Variants in ZNF804B observed in about 807,000 individuals in gnomAD.
ZNF804B encodes zinc finger 804B.
A neutral mutation model predicts 101.4 loss-of-function variants in ZNF804B; 80 were observed. The ratio of observed to expected loss-of-function variants is 0.79; its 90% CI spans 0.66 to 0.95. The LOEUF (loss-of-function observed/expected upper bound fraction) is 0.95. Ranked by LOEUF, ZNF804B falls within the 40% of genes least tolerant of loss-of-function variation. The probability of loss-of-function intolerance (pLI) is 0.00; values close to 1 mark genes in which losing one functional copy is unlikely to be tolerated. For synonymous variants in ZNF804B, 622 were observed against 558.8 expected (o/e 1.11, Z -1.59); for missense variants, 1,673 against 1,561.9 (o/e 1.07, Z -1.20).
chr7:89,325,156 G>T (rs1790879401), intron 2 of ZNF804B, among the ~76,000 whole-genome samples: 1 of 151,620 alleles, frequency 6.6e-6, no homozygotes, highest in Non-Finnish European at 1.5e-5. Flanking sequence ...GAGATGCATT[G>T]TTCAGTACAC....
intron 2 of ZNF804B, among the ~76,000 whole-genome samples, chr7:89,245,430 T>C (rs1214826804): frequency 6.6e-6 from 1 of 151,884 alleles, no homozygotes; most frequent in Non-Finnish European, 1.5e-5. Context: ...TAAGGGAAAA[T>C]AATAAAATGT....
chr7:89,135,687 T>C (rs1429377729), intron 1 of ZNF804B, among the ~76,000 whole-genome samples: 1 of 152,114 alleles, frequency 6.6e-6, no homozygotes, highest in Non-Finnish European at 1.5e-5. Context: ...CTTTTTATCA[T>C]CTAATTTTCA....
At chr7:89,200,212 T>C (rs1211868786) in intron 1 of ZNF804B, among the ~76,000 whole-genome samples, 1 of 151,900 alleles carries the variant, frequency 6.6e-6, no homozygotes, top group Non-Finnish European at 1.5e-5. Context: ...CCAAATGCTC[T>C]TTACTCTTAA....
At chr7:89,266,900 A>T (rs369036959) in intron 2 of ZNF804B, among the ~76,000 whole-genome samples, 2 of 81,922 alleles carry the variant, frequency 2.4e-5, no homozygotes, top group African/African-American at 6.6e-5. Flanking sequence ...TGTCTTTGGG[A>T]GTGTTGGCAA....
chr7:89,334,676 A>G lies in ZNF804B; in HGVS notation c.1694A>G (p.Glu565Gly). Residue 565 changes from glutamate to glycine, a missense_variant, in exon 4 of 4, where the codon GAA becomes GGA. Coordinates refer to ENST00000333190, the MANE Select transcript of ZNF804B (RefSeq NM_181646.5). ...AGTGATTCTGAGCCAAATAAGAGTG[A>G]ATATACTTTCAGTGCAAATGATTTG... The part of the protein sequence containing the change: ...DYSDSEPNKS[E>G]YTFSANDLEM... 1 of 1,613,716 alleles carries G rather than the reference A, an allele frequency of 6.2e-7. No homozygotes were observed. The highest frequency in any genetic ancestry group is 8.5e-7 in the Non-Finnish European group (1 of 1,179,822).
At chr7:89,107,660 A>G (rs904192711) in intron 1 of ZNF804B, among the ~76,000 whole-genome samples, 2 of 152,130 alleles carry the variant, frequency 1.3e-5, no homozygotes, top group South Asian at 4.1e-4. Flanking sequence ...GAATCAGTGT[A>G]TGTGCATTCT....
intron 2 of ZNF804B, among the ~76,000 whole-genome samples, chr7:89,234,538 A>G (rs1789248990): frequency 6.6e-6 from 1 of 152,188 alleles, no homozygotes; most frequent in African/African-American, 2.4e-5. Flanking sequence ...TGGCTGGTGA[A>G]GCATTGTTTT....
At chr7:89,015,569 G>C (rs1307838903) in intron 1 of ZNF804B, among the ~76,000 whole-genome samples, 1 of 150,876 alleles carries the variant, frequency 6.6e-6, no homozygotes. Flanking sequence ...TCCCACCTAT[G>C]AGTGAGAACA....
chr7:88,937,076 C>G (rs1407011968), intron 1 of ZNF804B, among the ~76,000 whole-genome samples: 1 of 146,838 alleles, frequency 6.8e-6, no homozygotes, highest in African/African-American at 2.6e-5. Flanking sequence ...TGCTTTCTGC[C>G]CCAAACACAT....
At chr7:88,862,275 C>G (rs1449054241) in intron 1 of ZNF804B, among the ~76,000 whole-genome samples, 1 of 152,160 alleles carries the variant, frequency 6.6e-6, no homozygotes, top group African/African-American at 2.4e-5. Context: ...CTCATACTTT[C>G]AAGGCACCAT....
chr7:88,868,012 T>G (rs1291511504), intron 1 of ZNF804B, among the ~76,000 whole-genome samples: 1 of 151,766 alleles, frequency 6.6e-6, no homozygotes, highest in East Asian at 1.9e-4. Flanking sequence ...TGTATATAAA[T>G]GTGCAATATT....
chr7:89,101,880 G>A lies in ZNF804B; in HGVS notation c.109-116275G>A, dbSNP rs192958634. Among the ~76,000 whole-genome samples the A allele has an allele frequency of 2.2e-3, 340 of 151,820 alleles. 1 individual carries two copies. Among genetic ancestry groups the A allele is most frequent in the African/African-American group, 8.1e-3 (335 of 41,444 alleles). On this transcript the variant is annotated intron_variant, in intron 1 of 3. Coordinates refer to ENST00000333190, the MANE Select transcript of ZNF804B (RefSeq NM_181646.5). The stretch of plus-strand genomic sequence containing the variant: ...CCCTTCCTTTTTCCCTCCTTTTAGA[G>A]TCTCCAGAGTCTATTCCTTCCATCT...
At chr7:89,281,517 T>C (rs1241907710) in intron 2 of ZNF804B, among the ~76,000 whole-genome samples, 1 of 152,128 alleles carries the variant, frequency 6.6e-6, no homozygotes, top group Non-Finnish European at 1.5e-5. Flanking sequence ...CAATTAAAAA[T>C]GTAAAATAAT....
chr7:89,237,081 GATA>G (rs1476816971), intron 2 of ZNF804B, among the ~76,000 whole-genome samples: 2 of 151,626 alleles, frequency 1.3e-5, no homozygotes, highest in African/African-American at 4.8e-5. Flanking sequence ...TGAAAATTAC[GATA>G]ATAACACATA....
At chr7:89,120,501 CAAAA>C (rs1397649617) in intron 1 of ZNF804B, among the ~76,000 whole-genome samples, 1 of 151,056 alleles carries the variant, frequency 6.6e-6, no homozygotes, top group Non-Finnish European at 1.5e-5. Context: ...ACTAAAAATA[CAAAA>C]AAATTAGCCG....
At position 88,837,682 on chromosome 7, in the gene ZNF804B, G is replaced by A. The variant is rs887304721; in HGVS notation, c.108+77598G>A. Reference sequence around the variant, plus strand: ...TTTTAGTGTAGTATCAAGGGAGAACGTTCACAGTTATCTGGAAATTATATT... The same window carrying A: ...TTTTAGTGTAGTATCAAGGGAGAACATTCACAGTTATCTGGAAATTATATT... On this transcript the variant is annotated intron_variant, in intron 1 of 3. Coordinates refer to ENST00000333190, the MANE Select transcript of ZNF804B (RefSeq NM_181646.5). 3.4e-4 allele frequency among the ~76,000 whole-genome samples: 52 copies of A among 151,964 alleles called. 1 individual carries two copies. Among genetic ancestry groups the A allele is most frequent in the African/African-American group, 1.1e-3 (45 of 41,522 alleles).
intron 3 of ZNF804B, among the ~76,000 whole-genome samples, chr7:89,332,715 A>T (rs1791005471): frequency 6.6e-6 from 1 of 151,886 alleles, no homozygotes; most frequent in Non-Finnish European, 1.5e-5. Flanking sequence ...TGGTAGAAAA[A>T]ATATTTTGGT....
intron 1 of ZNF804B, among the ~76,000 whole-genome samples, chr7:89,156,932 GGGAGGAA>G (rs1401340438): frequency 6.6e-6 from 1 of 152,106 alleles, no homozygotes; most frequent in Non-Finnish European, 1.5e-5. Flanking sequence ...TAACCAGTGA[GGGAGGAA>G]GGAGGAGGGA....
At chr7:89,063,568 A>C (rs780767891) in intron 1 of ZNF804B, among the ~76,000 whole-genome samples, 2 of 152,144 alleles carry the variant, frequency 1.3e-5, no homozygotes, top group East Asian at 3.9e-4. Context: ...AAGGTGGGAA[A>C]CTGGGGGAAG....
Sources: gnomAD v4.1 joint callset for allele counts (sites outside exome capture counted in the v4.1 genomes callset) on GRCh38, gnomAD v4.1.1 for gene constraint, MANE v1.5 for transcripts, NCBI Gene and HGNC (gene_info 2026-07-23, HGNC 2026-07-21) for gene names.